Variants in CRTAC1 observed in about 807,000 individuals in gnomAD.
CRTAC1 encodes the protein acidic secreted protein in cartilage.
In CRTAC1, 37 loss-of-function variants were observed where a neutral mutation model predicts 67.8. The ratio of observed to expected loss-of-function variants is 0.55; its 90% CI spans 0.42 to 0.72. The LOEUF (loss-of-function observed/expected upper bound fraction) is 0.72, where lower values mean the gene tolerates loss of function less well. Among genes scored for constraint, CRTAC1 ranks in the 30% least tolerant of loss-of-function variants. CRTAC1 has a pLI of 0.00. For synonymous variants in CRTAC1, 348 were observed against 371.0 expected (o/e 0.94, Z 0.71); for missense variants, 780 against 931.6 (o/e 0.84, Z 2.12).
At chr10:97,976,430 A>T (rs1402315204) in intron 2 of CRTAC1, among the ~76,000 whole-genome samples, 1 of 152,212 alleles carries the variant, frequency 6.6e-6, no homozygotes, top group African/African-American at 2.4e-5. Context: ...TCTCACCTAT[A>T]AAGTGGAAAT....
At chr10:97,935,320 G>A (rs948655078) in intron 3 of CRTAC1, among the ~76,000 whole-genome samples, 7 of 152,210 alleles carry the variant, frequency 4.6e-5, no homozygotes, top group Non-Finnish European at 1.0e-4. Context: ...GGTCTGACAC[G>A]CAATAGGTGC....
intron 1 of CRTAC1, among the ~76,000 whole-genome samples, chr10:98,022,088 G>A (rs1329371616): frequency 1.3e-5 from 2 of 152,156 alleles, no homozygotes; most frequent in Admixed American, 1.3e-4. Context: ...GGGTACGGTG[G>A]CTCACACCTG....
chr10:97,894,711 CATATATATATATATATAT>C (rs66795716), intron 11 of CRTAC1, among the ~76,000 whole-genome samples: 820 of 59,958 alleles, frequency 0.014, 25 homozygotes, highest in Middle Eastern at 0.02. Flanking sequence ...GATGCTTTTA[CATATATATATATATATAT>C]ATATATATAT....
At position 97,919,712 on chromosome 10, in the gene CRTAC1, A is replaced by T. The variant is rs1184177538; in HGVS notation, c.559-2056T>A. 2.0e-5 allele frequency among the ~76,000 whole-genome samples: 3 copies of T among 150,220 alleles called. No homozygotes were observed. The East Asian group carries it at 5.9e-4, about 30-fold the overall frequency. ...GAATCAGAATCTGCATTGTGGCAAA[A>T]CCGCCATGTGATTCCTGTGCAAAAT... On this transcript the variant is annotated intron_variant, in intron 4 of 14. Transcript: ENST00000370597.
intron 2 of CRTAC1, among the ~76,000 whole-genome samples, chr10:97,948,378 A>C (rs1247015573): frequency 1.3e-5 from 2 of 152,176 alleles, no homozygotes; most frequent in Non-Finnish European, 2.9e-5. Context: ...GGAGAGCTAG[A>C]CTGAGGAGGG....
intron 3 of CRTAC1, among the ~76,000 whole-genome samples, chr10:97,934,266 G>A (rs74685882): frequency 0.022 from 3,332 of 152,280 alleles, 122 homozygotes; most frequent in African/African-American, 0.071. Context: ...TCAATTAATT[G>A]TGTCCTAATC....
At chr10:97,892,593 C>T (rs956801687) in intron 11 of CRTAC1, among the ~76,000 whole-genome samples, 1 of 152,196 alleles carries the variant, frequency 6.6e-6, no homozygotes, top group African/African-American at 2.4e-5. Context: ...CCTCAGTTTT[C>T]TGACCTGTAA....
intron 3 of CRTAC1, among the ~76,000 whole-genome samples, chr10:97,926,848 T>G (rs1363752017): frequency 6.6e-6 from 1 of 152,154 alleles, no homozygotes; most frequent in East Asian, 1.9e-4. Context: ...AGGCTTGCTA[T>G]TGCTTCCAGA....
chr10:97,922,943 T>A (rs567541179), intron 4 of CRTAC1, among the ~76,000 whole-genome samples: 1 of 152,338 alleles, frequency 6.6e-6, no homozygotes, highest in Admixed American at 6.5e-5. Flanking sequence ...GGTGGGTTCA[T>A]GTCCTAGCCA....
intron 2 of CRTAC1, among the ~76,000 whole-genome samples, chr10:97,941,237 C>T (rs192394341): frequency 1.7e-4 from 26 of 152,274 alleles, no homozygotes; most frequent in African/African-American, 5.5e-4. Context: ...AGCACTCTCT[C>T]TTCTAGGCCA....
At chr10:97,939,525 C>T (rs1414861538) in intron 2 of CRTAC1, among the ~76,000 whole-genome samples, 1 of 152,188 alleles carries the variant, frequency 6.6e-6, no homozygotes, top group Non-Finnish European at 1.5e-5. Flanking sequence ...TCTTGGCACC[C>T]CATGGTGCAA....
intron 14 of CRTAC1, among the ~76,000 whole-genome samples, chr10:97,873,343 G>A (rs2050113283): frequency 6.6e-6 from 1 of 152,208 alleles, no homozygotes. Flanking sequence ...TGCAGTGGGA[G>A]GAGGCACTGA....
chr10:98,008,193 C>T (rs1842831438), intron 2 of CRTAC1, among the ~76,000 whole-genome samples: 1 of 152,232 alleles, frequency 6.6e-6, no homozygotes, highest in Admixed American at 6.5e-5. Flanking sequence ...TCTGCTAGTT[C>T]TGTTCTTCGC....
intron 3 of CRTAC1, among the ~76,000 whole-genome samples, chr10:97,931,858 G>C (rs538561107): frequency 1.9e-3 from 288 of 152,310 alleles, no homozygotes; most frequent in African/African-American, 6.5e-3. Context: ...GCTTTGACCA[G>C]GAGCTGCAGA....
intron 11 of CRTAC1, among the ~76,000 whole-genome samples, chr10:97,886,956 T>G (rs2050295213): frequency 6.6e-6 from 1 of 152,100 alleles, no homozygotes; most frequent in Non-Finnish European, 1.5e-5. Flanking sequence ...GATTTCTTTT[T>G]TTTTTTTTCT....
intron 2 of CRTAC1, among the ~76,000 whole-genome samples, chr10:97,941,076 T>A (rs1007901837): frequency 1.3e-5 from 2 of 151,100 alleles, no homozygotes; most frequent in East Asian, 3.9e-4. Context: ...ACCCCAATTC[T>A]GCCACAGCTT....
intron 2 of CRTAC1, among the ~76,000 whole-genome samples, chr10:97,984,951 A>G (rs570817399): frequency 6.6e-6 from 1 of 152,324 alleles, no homozygotes; most frequent in East Asian, 1.9e-4. Flanking sequence ...TAAATTTCAA[A>G]CAATTCTTCA....
intron 3 of CRTAC1, among the ~76,000 whole-genome samples, chr10:97,924,315 G>T (rs1021264263): frequency 2.0e-5 from 3 of 152,206 alleles, no homozygotes; most frequent in Non-Finnish European, 4.4e-5. Flanking sequence ...CGTAGTTTAG[G>T]GGGGTCCTCG....
chr10:98,024,717 C>A (rs1324578362), intron 1 of CRTAC1, among the ~76,000 whole-genome samples: 1 of 128,268 alleles, frequency 7.8e-6, no homozygotes, highest in Admixed American at 8.1e-5. Flanking sequence ...ATCTTTGGAC[C>A]TTTCTCTAAA....
Sources: allele counts gnomAD v4.1 joint callset (sites outside exome capture counted in the v4.1 genomes callset), GRCh38; gene constraint gnomAD v4.1.1; transcripts MANE v1.5; gene names NCBI Gene and HGNC (gene_info 2026-07-23, HGNC 2026-07-21).